The following CCSER2 variants were observed in gnomAD, a reference collection of about 807,000 sequenced individuals.
The protein encoded by CCSER2 is coiled-coil serine rich protein 2.
Under a neutral mutation model 92.3 loss-of-function variants are expected in CCSER2, and 46 were observed. The observed-to-expected ratio is 0.50, with a 90% CI of 0.39 to 0.64. CCSER2 has a LOEUF of 0.64. Among genes scored for constraint, CCSER2 ranks in the 30% least tolerant of loss-of-function variants. The pLI, the probability that CCSER2 is intolerant of heterozygous loss-of-function variation, is 0.00. For missense variants in CCSER2, 1,244 were observed against 1,238.9 expected (o/e 1.00, Z -0.06); for synonymous variants, 433 against 431.4 (o/e 1.00, Z -0.04).
At chr10:84,491,522 C>T (rs751729445) in intron 9 of CCSER2, among the ~76,000 whole-genome samples, 1 of 152,146 alleles carries the variant, frequency 6.6e-6, no homozygotes, top group Non-Finnish European at 1.5e-5. Flanking sequence ...GATCCATGGG[C>T]GTGGGACCCT....
At chr10:84,489,894 T>C (rs1349801231) in intron 9 of CCSER2, among the ~76,000 whole-genome samples, 6 of 152,238 alleles carry the variant, frequency 3.9e-5, no homozygotes, top group Non-Finnish European at 8.8e-5. Flanking sequence ...TTCCTTTCCA[T>C]GTTTAGTGCT....
intron 3 of CCSER2, among the ~76,000 whole-genome samples, chr10:84,415,973 G>A (rs539727659): frequency 1.9e-4 from 29 of 152,206 alleles, no homozygotes; most frequent in Non-Finnish European, 4.1e-4. Flanking sequence ...GATCTGCCTT[G>A]CTGGTAATCC....
intron 9 of CCSER2, among the ~76,000 whole-genome samples, chr10:84,505,002 T>TA (rs902027140): frequency 6.6e-6 from 1 of 152,176 alleles, no homozygotes; most frequent in African/African-American, 2.4e-5. Context: ...AATAGTAATG[T>TA]AGTGACTCAT....
intron 6 of CCSER2, among the ~76,000 whole-genome samples, chr10:84,453,112 A>G (rs1845395297): frequency 6.6e-6 from 1 of 151,352 alleles, no homozygotes; most frequent in South Asian, 2.1e-4. Context: ...AACACTAGTA[A>G]CTCCTAGTTG....
At chr10:84,449,807 A>G (rs1310449863) in intron 6 of CCSER2, among the ~76,000 whole-genome samples, 1 of 152,244 alleles carries the variant, frequency 6.6e-6, no homozygotes, top group Non-Finnish European at 1.5e-5. Context: ...AGATCGCGCC[A>G]TTGCACTCCA....
intron 3 of CCSER2, among the ~76,000 whole-genome samples, chr10:84,410,677 C>T (rs75443351): frequency 0.022 from 3,307 of 152,206 alleles, 96 homozygotes; most frequent in Admixed American, 0.074. Flanking sequence ...CTTTGTCAGA[C>T]GGATAGATTG....
intron 1 of CCSER2, among the ~76,000 whole-genome samples, chr10:84,348,381 C>T (rs1342563445): frequency 6.6e-6 from 1 of 152,148 alleles, no homozygotes. Flanking sequence ...AGGGAGGTTG[C>T]AGTGAGCAGA....
At chr10:84,386,805 G>A (rs1035509336) in intron 3 of CCSER2, among the ~76,000 whole-genome samples, 4 of 152,150 alleles carry the variant, frequency 2.6e-5, no homozygotes, top group Non-Finnish European at 5.9e-5. Flanking sequence ...AGAGCTGGAG[G>A]CCATTATTCT....
At chr10:84,383,329 G>A (rs1841015354) in intron 3 of CCSER2, among the ~76,000 whole-genome samples, 1 of 151,868 alleles carries the variant, frequency 6.6e-6, no homozygotes, top group African/African-American at 2.4e-5. Flanking sequence ...TTTTTATTTT[G>A]AGATGGCGTC....
At chr10:84,357,729 C>T (rs1242325446) in intron 1 of CCSER2, among the ~76,000 whole-genome samples, 1 of 152,098 alleles carries the variant, frequency 6.6e-6, no homozygotes, top group Non-Finnish European at 1.5e-5. Context: ...GGATTACAGG[C>T]GTGAGCCACC....
intron 4 of CCSER2, chr10:84,425,220 C>T (rs1229053105): frequency 2.5e-5 from 23 of 933,178 alleles, no homozygotes; most frequent in East Asian, 1.2e-4. Flanking sequence ...TCTTACTTTC[C>T]GAAAATGTGA....
At chr10:84,408,448 C>G (rs1842478985) in intron 3 of CCSER2, among the ~76,000 whole-genome samples, 1 of 151,844 alleles carries the variant, frequency 6.6e-6, no homozygotes, top group Non-Finnish European at 1.5e-5. Flanking sequence ...TCTCTTCCTT[C>G]CTTCCTTCTT....
chr10:84,336,052 TC>T (rs1253945167), intron 1 of CCSER2, among the ~76,000 whole-genome samples: 11 of 152,192 alleles, frequency 7.2e-5, no homozygotes, highest in African/African-American at 2.7e-4. Flanking sequence ...AGGTATATTT[TC>T]CTCATTTTAG....
intron 3 of CCSER2, among the ~76,000 whole-genome samples, chr10:84,383,508 C>T (rs1173467066): frequency 6.6e-6 from 1 of 152,002 alleles, no homozygotes; most frequent in Non-Finnish European, 1.5e-5. Context: ...GACGGGGTTT[C>T]ACCATGTTAG....
chr10:84,476,795 A>T (rs1223532148), intron 8 of CCSER2, among the ~76,000 whole-genome samples: 1 of 152,124 alleles, frequency 6.6e-6, no homozygotes, highest in East Asian at 1.9e-4. Flanking sequence ...AGTGATGATT[A>T]TTTGGGAAAG....
chr10:84,480,682 A>G (rs1021597271), intron 9 of CCSER2, among the ~76,000 whole-genome samples: 2 of 152,238 alleles, frequency 1.3e-5, no homozygotes, highest in African/African-American at 4.8e-5. Flanking sequence ...ATAGAGAAGC[A>G]AAACAACTTA....
intron 3 of CCSER2, among the ~76,000 whole-genome samples, chr10:84,380,534 G>A (rs1380034509): frequency 6.6e-6 from 1 of 151,954 alleles, no homozygotes; most frequent in Non-Finnish European, 1.5e-5. Context: ...GCGTGTGTGT[G>A]TAAGACACCC....
At chr10:84,369,608 T>C (rs570486236) in intron 1 of CCSER2, among the ~76,000 whole-genome samples, 1 of 152,290 alleles carries the variant, frequency 6.6e-6, no homozygotes, top group South Asian at 2.1e-4. Context: ...TCCCATTCTG[T>C]GGGTTGTCTG....
chr10:84,449,119 A>C (rs1283726171), intron 6 of CCSER2, among the ~76,000 whole-genome samples: 2 of 152,360 alleles, frequency 1.3e-5, no homozygotes, highest in East Asian at 3.9e-4. Flanking sequence ...CCATGCCTGT[A>C]ATCCCAGCAA....
Sources: allele counts gnomAD v4.1 joint callset (sites outside exome capture counted in the v4.1 genomes callset), GRCh38; gene constraint gnomAD v4.1.1; transcripts MANE v1.5; gene names NCBI Gene and HGNC (gene_info 2026-07-23, HGNC 2026-07-21).